Variants in RETSAT observed in about 807,000 individuals in gnomAD.
The protein encoded by RETSAT is all-trans-retinol 13,14-reductase.
A neutral mutation model predicts 61.6 loss-of-function variants in RETSAT; 35 were observed. That is an observed-to-expected ratio of 0.57 (90% CI 0.43 to 0.75). The LOEUF (loss-of-function observed/expected upper bound fraction) is 0.75, where lower values mean the gene tolerates loss of function less well. Among genes scored for constraint, RETSAT ranks in the 30% least tolerant of loss-of-function variants. RETSAT has a pLI of 0.00. For synonymous variants in RETSAT, 277 were observed against 310.4 expected, an observed-to-expected ratio of 0.89 and a Z score of 1.13; for missense variants, 670 against 759.5, an observed-to-expected ratio of 0.88 and a Z score of 1.38.
chr2:85,346,926 T>G (rs1200869881), intron 5 of RETSAT, among the ~76,000 whole-genome samples: 1 of 152,198 alleles, frequency 6.6e-6, no homozygotes, highest in Non-Finnish European at 1.5e-5. Context: ...CCCACTAAAC[T>G]ATTAGGCAGA....
In RETSAT at chr2:85,344,609, G is replaced by A. The variant is rs1287105765; in HGVS notation, c.1241C>T (p.Thr414Met). 11 of 1,614,040 alleles carry A rather than the reference G, an allele frequency of 6.8e-6. No individual in the cohort carries two copies. Among genetic ancestry groups the A allele is most frequent in the East Asian group, 2.2e-5 (1 of 44,882 alleles). ...PSTNYYVYYDTDMDQAMERYV... is the reference protein window; with the variant it reads ...PSTNYYVYYDMDMDQAMERYV... ...TGCACCTTACGCCTGGTCCATGTCC[G>A]TGTCATAGTAAACATAGTAGTTGGT... Residue 414 changes from threonine to methionine, a missense_variant, in exon 7 of 11, where the codon ACG (threonine) becomes ATG (methionine). Physicochemically the swap from Thr to Met is moderately conservative, Grantham distance 81. Transcript: ENST00000295802.
Position 85,342,053 on chromosome 2 carries a change from T to A in RETSAT, c.*1189A>T. ...GCTTCTGCAAATGCCATCACAATAA[T>A]AGTTTTGTTTTCTTGAACAAAAAAC... is the stretch of plus-strand genomic sequence containing the variant. On this transcript the variant is annotated 3_prime_UTR_variant, in exon 11 of 11. Transcript: ENST00000295802. 1 of 419,952 alleles carries A rather than the reference T, an allele frequency of 2.4e-6. No homozygotes were observed. The highest frequency in any genetic ancestry group is 4.2e-6 in the Non-Finnish European group (1 of 237,050). 26.0% of individuals were successfully genotyped at this position (419,952 alleles called of 1,614,324 possible).
chr2:85,344,126 T>G lies in RETSAT; in HGVS notation c.1406A>C (p.Glu469Ala), dbSNP rs762281507. The change falls in exon 9 of 11, where the codon GAG becomes GCG. Residue 469 changes from glutamate to alanine, a missense_variant. Physicochemically the swap from Glu to Ala is moderately radical, Grantham distance 107. Transcript: ENST00000295802. ...TMIMLIPTAY[E>A]WFEEWQAELK... ...CTCCGCCTGCCACTCCTCAAACCACTCGTAGGCAGTGGGTATGAGCATGAT... is the reference window on the plus strand; with the variant it reads ...CTCCGCCTGCCACTCCTCAAACCACGCGTAGGCAGTGGGTATGAGCATGAT... The G allele has an allele frequency of 5.0e-6, 8 of 1,613,854 alleles. No homozygotes were observed. The highest frequency in any genetic ancestry group is 4.4e-5 in the South Asian group (4 of 91,082).
chr2:85,344,875 T>G (rs1217375609), intron 6 of RETSAT, 143 bp from the exon 7 acceptor site: 1 of 873,642 alleles, frequency 1.1e-6, no homozygotes, highest in East Asian at 2.7e-5. Context: ...TTCATTTAAC[T>G]AAATATTTTT....
In RETSAT at chr2:85,343,086, T is replaced by G; in HGVS notation, c.*156A>C. ...AAGCAGTGATTCCATTGCCCCAGAT[T>G]CGGAATTGTGATTTAAACTAGGCCT... On this transcript the variant is annotated 3_prime_UTR_variant, in exon 11 of 11. Coordinates refer to ENST00000295802, the MANE Select transcript of RETSAT (RefSeq NM_017750.4). The G allele has an allele frequency of 9.4e-7, 1 of 1,062,236 alleles. No individual in the cohort carries two copies. Among genetic ancestry groups the G allele is most frequent in the Non-Finnish European group, 1.4e-6 (1 of 736,996 alleles). The allele number at this position is 1,062,236 out of a possible 1,614,324, so 65.8% of individuals were successfully genotyped here.
In RETSAT at chr2:85,344,772, C is replaced by T. The variant is rs111914239; in HGVS notation, c.1118-40G>A. 2,596 of 1,602,166 alleles carry T rather than the reference C, an allele frequency of 1.6e-3. 44 individuals carry two copies. In the African/African-American group the frequency reaches 0.03, roughly 19 times the overall value. ...GGTTGGTGCCTGTGTGGACCATGGC[C>T]GGAGACGGCCACTCCTTGCTCCCAG... On this transcript the variant is annotated intron_variant, in intron 6 of 10. Transcript: ENST00000295802.
At position 85,343,725 on chromosome 2, in the gene RETSAT, C is replaced by T. The variant is rs770784410; in HGVS notation, c.1607G>A (p.Gly536Glu). 6.2e-7 allele frequency: 1 copy of T among 1,613,962 alleles called. No homozygotes were observed. The highest frequency in any genetic ancestry group is 8.5e-7 in the Non-Finnish European group (1 of 1,179,936). The change falls in exon 10 of 11, where the codon GGG becomes GAG. Residue 536 changes from glycine (G) to glutamate (E), a missense_variant. Coordinates refer to ENST00000295802, the MANE Select transcript of RETSAT (RefSeq NM_017750.4). Reference sequence around the variant, plus strand: ...CAGGCGGCCCAGGTCATGGTCAGCCCCGTAGCAGGCACCTCGGGGAGCAGC... The same window carrying T: ...CAGGCGGCCCAGGTCATGGTCAGCCTCGTAGCAGGCACCTCGGGGAGCAGC... ...YLAAPRGACY[G>E]ADHDLGRLHP...
intron 6 of RETSAT, among the ~76,000 whole-genome samples, chr2:85,345,152 T>G (rs930603508): frequency 6.6e-6 from 1 of 152,104 alleles, no homozygotes; most frequent in Non-Finnish European, 1.5e-5. Flanking sequence ...CCCCTTCAGC[T>G]CCTGAGAGTC....
chr2:85,352,806 G>A (rs1402731964), intron 1 of RETSAT, among the ~76,000 whole-genome samples: 2 of 152,204 alleles, frequency 1.3e-5, no homozygotes, highest in African/African-American at 4.8e-5. Context: ...AGAGGCTGCA[G>A]CTCTGAGAAA....
intron 6 of RETSAT, chr2:85,345,504 C>G (rs1683180558): frequency 3.2e-6 from 1 of 316,340 alleles, no homozygotes; most frequent in South Asian, 2.7e-5. Context: ...CTGGGCCCCT[C>G]TCTCTCACCC....
At chr2:85,343,544 G>A in intron 10 of RETSAT, 95 bp downstream of exon 10, 2 of 1,547,214 alleles carry the variant, frequency 1.3e-6, no homozygotes, top group South Asian at 1.1e-5. Context: ...ATGGGAGGCT[G>A]CAGGGGACAG....
chr2:85,345,800 A>G (rs1683187421), intron 6 of RETSAT, 175 bp downstream of exon 6: 2 of 824,666 alleles, frequency 2.4e-6, no homozygotes, highest in Middle Eastern at 2.2e-4. Context: ...AGTTTCCCCA[A>G]CATTAAATGC....
In RETSAT at chr2:85,344,072, TCA is replaced by T. The variant is rs143498557; in HGVS notation, c.1458_1459del (p.Tyr486Ter). ...TTCCACAAAGGAGTTTTTGAAGGTC[TCA>T]TAGTCACTGCCCCGCTTTCCCTTCA... On this transcript the variant is annotated stop_gained and frameshift_variant, in exon 9 of 11. Coordinates refer to ENST00000295802, the MANE Select transcript of RETSAT (RefSeq NM_017750.4). LOFTEE classifies it high-confidence loss of function. 1,071 of 1,614,140 alleles carry T rather than the reference TCA, an allele frequency of 6.6e-4. 6 individuals are homozygous for T. The African/African-American group carries it at 0.014, about 20-fold the overall frequency.
Position 85,343,220 on chromosome 2 carries a change from C to T in RETSAT, c.*22G>A, listed in dbSNP as rs1683117272. 1 of 1,611,848 alleles carries T rather than the reference C, an allele frequency of 6.2e-7. No individual in the cohort carries two copies. The highest frequency in any genetic ancestry group is 1.1e-5 in the South Asian group (1 of 90,868). ...GATGCCCCAGCCATTGGGCAAATTC[C>T]TCTGACTCCTCCCTGATGGAACTAA... is the stretch of plus-strand genomic sequence containing the variant. On this transcript the variant is annotated 3_prime_UTR_variant, in exon 11 of 11. Transcript: ENST00000295802.
In RETSAT at chr2:85,350,072, T is replaced by A. The variant is rs374738980; in HGVS notation, c.767A>T (p.Gln256Leu). Residue 256 changes from glutamine to leucine, a missense_variant, in exon 4 of 11, where the codon CAG (glutamine) becomes CTG (leucine). Gln to Leu is a moderately radical substitution (Grantham distance 113, BLOSUM62 -2). Coordinates refer to ENST00000295802, the MANE Select transcript of RETSAT (RefSeq NM_017750.4). ...LQQLGASSEL[Q>L]AVLSYIFPTY... is the part of the protein sequence containing the mutation. ...GGGGAAGATGTAGCTGAGTACTGCCTGGAGCTCAGAGGAGGCCCCCAGCTG... is the reference window on the plus strand; with the variant it reads ...GGGGAAGATGTAGCTGAGTACTGCCAGGAGCTCAGAGGAGGCCCCCAGCTG... The A allele has an allele frequency of 6.2e-7, 1 of 1,613,878 alleles. No individual in the cohort carries two copies. Among genetic ancestry groups the A allele is most frequent in the Non-Finnish European group, 8.5e-7 (1 of 1,180,022 alleles).
In RETSAT at chr2:85,343,771, G is replaced by A. The variant is rs755557541; in HGVS notation, c.1561C>T (p.Leu521Phe). 24 of 1,613,960 alleles carry A rather than the reference G, an allele frequency of 1.5e-5. No individual in the cohort carries two copies. Among genetic ancestry groups the A allele is most frequent in the Non-Finnish European group, 1.9e-5 (23 of 1,179,854 alleles). Residue 521 changes from leucine (L) to phenylalanine (F), a missense_variant, in exon 10 of 11, where the codon CTC becomes TTC. Coordinates refer to ENST00000295802, the MANE Select transcript of RETSAT (RefSeq NM_017750.4). ...KVESVTAGSP[L>F]TNQFYLAAPR... ...GCAGCCAGATAGAACTGGTTGGTGA[G>A]TGGGGATCCTGCAGTCACACTCTCC...
chr2:85,354,487 C>A lies in RETSAT; in HGVS notation c.21G>T (p.Leu7=). 1 of 1,611,974 alleles carries A rather than the reference C, an allele frequency of 6.2e-7. No individual in the cohort carries two copies. The highest frequency in any genetic ancestry group is 1.3e-5 in the African/African-American group (1 of 74,990). Residue 7 remains leucine, a synonymous_variant, in exon 1 of 11, where the codon CTG becomes CTT. Coordinates refer to ENST00000295802, the MANE Select transcript of RETSAT (RefSeq NM_017750.4). ...CGGCCAGCAGCAGCACAGCCAGGAGCAGCACCAGCGGAAGCCACATCACGC... is the reference window on the plus strand; with the variant it reads ...CGGCCAGCAGCAGCACAGCCAGGAGAAGCACCAGCGGAAGCCACATCACGC... MWLPLV[L]LLAVLLLAVL...
intron 4 of RETSAT, 141 bp from the exon 5 acceptor site, chr2:85,349,722 G>A: frequency 1.3e-6 from 1 of 754,526 alleles, no homozygotes; most frequent in Non-Finnish European, 2.2e-6. Flanking sequence ...GGCAGCCAGA[G>A]GAGCCTTTCC....
At chr2:85,348,426 T>G (rs377614722) in intron 5 of RETSAT, among the ~76,000 whole-genome samples, 3 of 152,190 alleles carry the variant, frequency 2.0e-5, no homozygotes, top group Middle Eastern at 3.4e-3. Flanking sequence ...ATCAGGAGAT[T>G]GAGACCATCC....
Sources: gnomAD v4.1 joint callset for allele counts (sites outside exome capture counted in the v4.1 genomes callset) on GRCh38, gnomAD v4.1.1 for gene constraint, MANE v1.5 for transcripts, NCBI Gene and HGNC (gene_info 2026-07-23, HGNC 2026-07-21) for gene names.